Variants in IL21 observed in about 807,000 individuals in gnomAD.
IL21 encodes the protein interleukin 21.
In IL21, 3 loss-of-function variants were observed where a neutral mutation model predicts 18.4. That is an observed-to-expected ratio of 0.16 (90% CI 0.07 to 0.42). IL21 has a LOEUF of 0.42. IL21 is among the 10% of genes least tolerant of loss of function. The pLI, the probability that IL21 is intolerant of heterozygous loss-of-function variation, is 0.99. For synonymous variants in IL21, 37 were observed against 62.0 expected (o/e 0.60, Z 1.90); for missense variants, 130 against 188.4 (o/e 0.69, Z 1.81).
chr4:122,615,541 A>G (rs1799324890), intron 3 of IL21, 141 bp downstream of exon 3: 1 of 689,340 alleles, frequency 1.5e-6, no homozygotes, highest in African/African-American at 1.9e-5. Flanking sequence ...AAAAAAAAAA[A>G]AAGCACCATG....
chr4:122,619,821 C>T (rs1342504218), intron 2 of IL21: 3 of 152,160 alleles, frequency 2.0e-5, no homozygotes, highest in South Asian at 2.1e-4. Context: ...TAGTCATTTA[C>T]GATAATTGTT....
rs1799418973 is a variant in IL21 at position 122,620,928 on chromosome 4, G to A, written c.84C>T (p.Ser28=). ...TCATGTGGCGATCTTGACCTTGGGA[G>A]CTTGATTTGTGGACCAGTGTCCCCA... ...IFLGTLVHKS[S]SQGQDRHMIR... Residue 28 remains serine, a synonymous_variant, in exon 1 of 5, where the codon AGC becomes AGT. Transcript: ENST00000648588. 1 of 1,614,024 alleles carries A rather than the reference G, an allele frequency of 6.2e-7. No homozygotes were observed. The highest frequency in any genetic ancestry group is 2.2e-5 in the East Asian group (1 of 44,878).
intron 3 of IL21, among the ~76,000 whole-genome samples, chr4:122,615,317 C>T (rs1192274497): frequency 6.6e-6 from 1 of 152,088 alleles, no homozygotes; most frequent in Non-Finnish European, 1.5e-5. Context: ...GTCAGGAGAT[C>T]GAGACCATCC....
intron 2 of IL21, chr4:122,619,968 G>C (rs1461241873): frequency 1.3e-5 from 2 of 152,106 alleles, no homozygotes; most frequent in Non-Finnish European, 2.9e-5. Context: ...ATACTCTCAG[G>C]GTACCAGACC....
In IL21 at chr4:122,615,660, AGAT is replaced by A; in HGVS notation, c.360+19_360+21del. The A allele has an allele frequency of 1.2e-6, 2 of 1,603,304 alleles. No homozygotes were observed. The highest frequency in any genetic ancestry group is 1.7e-6 in the Non-Finnish European group (2 of 1,174,366). On this transcript the variant is annotated intron_variant, in intron 3 of 4. Transcript: ENST00000648588. Reference sequence around the variant, plus strand: ...TATAGTTTATAAGTACAAATAAGAGAGATGACAAATGACAATCTTACTAGTCTG... The same window carrying A: ...TATAGTTTATAAGTACAAATAAGAGAGACAAATGACAATCTTACTAGTCTG...
rs1442099521 is a variant in IL21 at position 122,612,176 on chromosome 4, A to G, written c.*534T>C. On this transcript the variant is annotated 3_prime_UTR_variant, in exon 5 of 5. Coordinates refer to ENST00000648588, the MANE Select transcript of IL21 (RefSeq NM_021803.4). ...CCATCTAGTATCCCCCGGTGCATAA[A>G]TAAATTACATATTTATATGTTAGAC... 1.3e-5 allele frequency among the ~76,000 whole-genome samples: 2 copies of G among 151,878 alleles called. No individual in the cohort carries two copies. The highest frequency in any genetic ancestry group is 4.8e-5 in the African/African-American group (2 of 41,360).
chr4:122,612,803 G>T, intron 4 of IL21, 43 bp from the exon 5 acceptor site: 1 of 1,612,538 alleles, frequency 6.2e-7, no homozygotes, highest in Non-Finnish European at 8.5e-7. Flanking sequence ...AGCAAATCTG[G>T]ATAGGTAAAG....
chr4:122,611,703 G>T lies in IL21; in HGVS notation c.*1007C>A, dbSNP rs1263713871. On this transcript the variant is annotated 3_prime_UTR_variant, in exon 5 of 5. Coordinates refer to ENST00000648588, the MANE Select transcript of IL21 (RefSeq NM_021803.4). ...GTCTCCTGATTTTTAAATTATATAG[G>T]TGATTGAATTTGTCTTATCCAAAGT... 6.6e-6 allele frequency among the ~76,000 whole-genome samples: 1 copy of T among 152,068 alleles called. No individual in the cohort carries two copies. Among genetic ancestry groups the T allele is most frequent in the Non-Finnish European group, 1.5e-5 (1 of 68,002 alleles).
At chr4:122,613,415 G>C (rs528740056) in intron 3 of IL21, among the ~76,000 whole-genome samples, 6 of 145,898 alleles carry the variant, frequency 4.1e-5, no homozygotes, top group African/African-American at 1.5e-4. Context: ...GCAGTGGCGC[G>C]ATCTCCACTG....
intron 2 of IL21, among the ~76,000 whole-genome samples, chr4:122,617,909 A>G (rs1799362071): frequency 6.6e-6 from 1 of 152,166 alleles, no homozygotes; most frequent in African/African-American, 2.4e-5. Context: ...ATGTATTGAG[A>G]AGGAGAGTGA....
chr4:122,620,392 C>G (rs1799408967), intron 2 of IL21, among the ~76,000 whole-genome samples: 1 of 152,138 alleles, frequency 6.6e-6, no homozygotes, highest in South Asian at 2.1e-4. Context: ...GTGCATTGTT[C>G]AGAAACTGAT....
rs1799256711 is a variant in IL21 at position 122,610,985 on chromosome 4, A to G, written c.*1725T>C. On this transcript the variant is annotated 3_prime_UTR_variant, in exon 5 of 5. Coordinates refer to ENST00000648588, the MANE Select transcript of IL21 (RefSeq NM_021803.4). ...CTTTTAAGATAGAGACCCTGATCAA[A>G]ATAATTGGAACAGAAATTTTTAACA... Among the ~76,000 whole-genome samples, 1 of 152,228 alleles carries G rather than the reference A, an allele frequency of 6.6e-6. No individual in the cohort carries two copies. Among genetic ancestry groups the G allele is most frequent in the African/African-American group, 2.4e-5 (1 of 41,460 alleles).
chr4:122,612,955 C>A, intron 3 of IL21, 27 bp from the exon 4 acceptor site: 1 of 1,418,886 alleles, frequency 7.0e-7, no homozygotes, highest in South Asian at 1.3e-5. Context: ...AAGTAACAGT[C>A]TTCTTTAAAA....
chr4:122,618,804 C>CAAA (rs1158779760), intron 2 of IL21, among the ~76,000 whole-genome samples: 356 of 32,560 alleles, frequency 0.011, 37 homozygotes, highest in Non-Finnish European at 0.016. Context: ...GACTCCGTCT[C>CAAA]AAAAAAAAAA....
At chr4:122,612,966 T>C (rs777931222) in intron 3 of IL21, 38 bp from the exon 4 acceptor site, 18 of 1,329,782 alleles carry the variant, frequency 1.4e-5, no homozygotes, top group East Asian at 4.7e-5. Flanking sequence ...TTCTTTAAAA[T>C]TTTTTTCGTA....
chr4:122,615,937 G>A (rs2150686693), intron 2 of IL21, 100 bp from the exon 3 acceptor site: 2 of 983,116 alleles, frequency 2.0e-6, no homozygotes, highest in East Asian at 5.0e-5. Context: ...GCAATGTCGT[G>A]CATTACATCG....
At position 122,615,907 on chromosome 4, in the gene IL21, C is replaced by G. The variant is rs1220485804; in HGVS notation, c.205-70G>C. 5.3e-6 allele frequency: 7 copies of G among 1,318,486 alleles called. No homozygotes were observed. The East Asian group carries it at 1.2e-4, about 22-fold the overall frequency. 81.7% of individuals were successfully genotyped at this position (1,318,486 alleles called of 1,614,324 possible). A position where few individuals can be genotyped will look rare whatever the true frequency, so the allele number is the denominator to read the frequency against. ...GAAAGTAAAAGATAGCTTTCCCAAT[C>G]CTCTATTTCTATCTCTTCTGCAATG... is the stretch of plus-strand genomic sequence containing the variant. On this transcript the variant is annotated intron_variant, in intron 2 of 4. Transcript: ENST00000648588.
intron 2 of IL21, among the ~76,000 whole-genome samples, chr4:122,617,335 C>T (rs538899382): frequency 6.6e-6 from 1 of 152,178 alleles, no homozygotes; most frequent in African/African-American, 2.4e-5. Flanking sequence ...TGACCACAAC[C>T]GGCTTAACTT....
intron 3 of IL21, 72 bp from the exon 4 acceptor site, chr4:122,613,000 T>C: frequency 1.1e-6 from 1 of 942,402 alleles, no homozygotes; most frequent in Non-Finnish European, 1.6e-6. Flanking sequence ...TAAAATTTTT[T>C]TTCATTAAAA....
Sources: allele counts gnomAD v4.1 joint callset (sites outside exome capture counted in the v4.1 genomes callset), GRCh38; gene constraint gnomAD v4.1.1; transcripts MANE v1.5; gene names NCBI Gene and HGNC (gene_info 2026-07-23, HGNC 2026-07-21).